The following GNAQ variants were observed in gnomAD, a reference collection of about 807,000 sequenced individuals.
The protein encoded by GNAQ is G protein subunit alpha q.
In GNAQ, 8 loss-of-function variants were observed where a neutral mutation model predicts 43.9. That is an observed-to-expected ratio of 0.18 (90% CI 0.11 to 0.33). The LOEUF is 0.33. GNAQ is among the 10% of genes least tolerant of loss of function. The pLI, the probability that GNAQ is intolerant of heterozygous loss-of-function variation, is 1.00. For missense variants in GNAQ, 158 were observed against 450.8 expected (o/e 0.35, Z 5.88); for synonymous variants, 155 against 170.7 (o/e 0.91, Z 0.71).
intron 1 of GNAQ, among the ~76,000 whole-genome samples, chr9:78,010,963 T>C (rs775900605): frequency 1.3e-5 from 2 of 152,150 alleles, no homozygotes; most frequent in African/African-American, 2.4e-5. Flanking sequence ...ACAGATCTGT[T>C]TTCCCCTCTG....
At chr9:77,814,665 G>A (rs1034416472) in intron 3 of GNAQ, among the ~76,000 whole-genome samples, 2 of 152,208 alleles carry the variant, frequency 1.3e-5, no homozygotes, top group Non-Finnish European at 2.9e-5. Context: ...TTTGAGTGAT[G>A]TCAAGCAGCC....
chr9:77,878,228 T>G (rs1025450249), intron 2 of GNAQ, among the ~76,000 whole-genome samples: 6 of 151,176 alleles, frequency 4.0e-5, no homozygotes, highest in South Asian at 2.1e-4. Flanking sequence ...ATTTGGTGTT[T>G]TTTTTTTTTT....
intron 5 of GNAQ, among the ~76,000 whole-genome samples, chr9:77,772,679 C>T (rs1826245557): frequency 6.6e-6 from 1 of 152,194 alleles, no homozygotes; most frequent in Admixed American, 6.5e-5. Context: ...AGCATCTTCA[C>T]CCTGGTTCTT....
chr9:77,971,991 G>A (rs1439742303), intron 1 of GNAQ, among the ~76,000 whole-genome samples: 2 of 152,074 alleles, frequency 1.3e-5, no homozygotes, highest in Non-Finnish European at 2.9e-5. Context: ...TGTGATTTTT[G>A]CACACTGATT....
At chr9:77,826,649 A>T (rs1827202683) in intron 2 of GNAQ, among the ~76,000 whole-genome samples, 1 of 152,234 alleles carries the variant, frequency 6.6e-6, no homozygotes, top group Non-Finnish European at 1.5e-5. Context: ...AACACATTGA[A>T]TCAAACCATG....
intron 1 of GNAQ, among the ~76,000 whole-genome samples, chr9:77,957,858 T>C (rs1823061848): frequency 1.3e-5 from 2 of 152,138 alleles, no homozygotes; most frequent in Non-Finnish European, 2.9e-5. Context: ...TCGCTACTAA[T>C]CATTTCTGCT....
chr9:77,987,727 C>G (rs912180493), intron 1 of GNAQ, among the ~76,000 whole-genome samples: 2 of 152,068 alleles, frequency 1.3e-5, no homozygotes, highest in Non-Finnish European at 2.9e-5. Context: ...AATAAATGTA[C>G]AGTACATAAA....
At chr9:78,011,157 A>T (rs1235025859) in intron 1 of GNAQ, among the ~76,000 whole-genome samples, 1 of 152,234 alleles carries the variant, frequency 6.6e-6, no homozygotes, top group Non-Finnish European at 1.5e-5. Context: ...GACAAACAGA[A>T]TCAGTTGTGA....
At chr9:78,020,464 G>T in intron 1 of GNAQ, among the ~76,000 whole-genome samples, 1 of 152,134 alleles carries the variant, frequency 6.6e-6, no homozygotes, top group East Asian at 1.9e-4. Context: ...ATGAGTACAT[G>T]CAACACAAAC....
At chr9:77,795,537 C>T (rs1826643788) in intron 4 of GNAQ, among the ~76,000 whole-genome samples, 1 of 152,156 alleles carries the variant, frequency 6.6e-6, no homozygotes, top group Non-Finnish European at 1.5e-5. Context: ...ATTGCAGTTG[C>T]TCCTGGTGTT....
intron 1 of GNAQ, among the ~76,000 whole-genome samples, chr9:77,985,528 C>T (rs1823424188): frequency 6.6e-6 from 1 of 152,184 alleles, no homozygotes. Context: ...TTAAGCTTCA[C>T]AGCTTAAAAC....
chr9:78,008,565 G>C (rs886742030), intron 1 of GNAQ, among the ~76,000 whole-genome samples: 1 of 147,966 alleles, frequency 6.8e-6, no homozygotes, highest in African/African-American at 2.5e-5. Context: ...CTTAACTATC[G>C]ATTTATTTCA....
intron 2 of GNAQ, among the ~76,000 whole-genome samples, chr9:77,861,229 A>C (rs1477694406): frequency 1.3e-5 from 2 of 152,130 alleles, no homozygotes; most frequent in Non-Finnish European, 2.9e-5. Flanking sequence ...ATTCACTATC[A>C]CAAGAATAGC....
chr9:77,918,486 T>C (rs1223958386), intron 2 of GNAQ, among the ~76,000 whole-genome samples: 2 of 152,182 alleles, frequency 1.3e-5, no homozygotes, highest in Non-Finnish European at 2.9e-5. Flanking sequence ...ATAAAGTATA[T>C]ACCTTTGTAA....
At chr9:77,900,467 G>C (rs1264937112) in intron 2 of GNAQ, among the ~76,000 whole-genome samples, 1 of 152,132 alleles carries the variant, frequency 6.6e-6, no homozygotes. Context: ...CAGTAAGGCA[G>C]GCTGATAATA....
chr9:77,982,637 G>A (rs1309562951), intron 1 of GNAQ, among the ~76,000 whole-genome samples: 1 of 151,834 alleles, frequency 6.6e-6, no homozygotes, highest in Admixed American at 6.6e-5. Flanking sequence ...ACATTTCAGG[G>A]GAATAAAAAT....
rs1260506809 is a variant in GNAQ at position 77,751,792 on chromosome 9, AAAC to A, written c.736-23128_736-23126del. 1.3e-4 allele frequency among the ~76,000 whole-genome samples: 17 copies of A among 135,444 alleles called. No homozygotes were observed. In the East Asian group the frequency reaches 2.1e-3, roughly 17 times the overall value. 88.9% of individuals were successfully genotyped at this position (135,444 alleles called of 152,430 possible). A position where few individuals can be genotyped will look rare whatever the true frequency, so the allele number is the denominator to read the frequency against. On this transcript the variant is annotated intron_variant, in intron 5 of 6. Transcript: ENST00000286548. ...GGCAAGGAACAGACAGACCTCCAAA[AAAC>A]AAACAAACAAACAAACAAACAAAAA...
At chr9:77,776,473 A>G (rs1826307881) in intron 5 of GNAQ, among the ~76,000 whole-genome samples, 2 of 152,344 alleles carry the variant, frequency 1.3e-5, no homozygotes, top group African/African-American at 4.8e-5. Flanking sequence ...ACTAGAGACA[A>G]ATAAGTACAT....
chr9:78,010,945 C>G (rs1368797003), intron 1 of GNAQ, among the ~76,000 whole-genome samples: 1 of 152,206 alleles, frequency 6.6e-6, no homozygotes, highest in Admixed American at 6.5e-5. Context: ...AGAGGAACAA[C>G]ATAGCCAACA....
Sources: gnomAD v4.1 joint callset for allele counts (sites outside exome capture counted in the v4.1 genomes callset) on GRCh38, gnomAD v4.1.1 for gene constraint, MANE v1.5 for transcripts, NCBI Gene and HGNC (gene_info 2026-07-23, HGNC 2026-07-21) for gene names.